TIGD4: variants seen among roughly 807,000 people sequenced by gnomAD.
TIGD4 encodes tigger transposable element-derived protein 4.
In TIGD4, 20 loss-of-function variants were observed where a neutral mutation model predicts 24.9. The ratio of observed to expected loss-of-function variants is 0.80; its 90% CI spans 0.56 to 1.17. The LOEUF is 1.17. TIGD4 is among the 50% of genes most tolerant of loss of function. The pLI, the probability that TIGD4 is intolerant of heterozygous loss-of-function variation, is 0.00. For synonymous variants in TIGD4, 193 were observed against 211.0 expected (o/e 0.91, Z 0.74); for missense variants, 566 against 591.0 (o/e 0.96, Z 0.44).
intron 1 of TIGD4, among the ~76,000 whole-genome samples, chr4:152,773,557 T>C (rs1184336822): frequency 6.6e-6 from 1 of 150,454 alleles, no homozygotes; most frequent in Admixed American, 6.7e-5. Flanking sequence ...ACAGTATCTT[T>C]GAATCACACT....
In TIGD4 at chr4:152,769,931, T is replaced by G; in HGVS notation, c.1074A>C (p.Thr358=). ...TTACAGCCCTCCAGCAAAGATGCAA[T>G]GTATCAACTGCATCTAGTAGTGAAA... The part of the protein sequence containing the change: ...FTFSLLDAVD[T]LHLCWRAVTP... The change falls in exon 2 of 2, where the codon ACA becomes ACC. Residue 358 remains threonine (T), a synonymous_variant. Coordinates refer to ENST00000304337, the MANE Select transcript of TIGD4 (RefSeq NM_145720.4). 6.2e-7 allele frequency: 1 copy of G among 1,613,656 alleles called. No individual in the cohort carries two copies. The highest frequency in any genetic ancestry group is 8.5e-7 in the Non-Finnish European group (1 of 1,179,566).
chr4:152,770,506 G>A lies in TIGD4; in HGVS notation c.499C>T (p.Leu167Phe), dbSNP rs779114814. The change falls in exon 2 of 2, where the codon CTT becomes TTT. Residue 167 changes from leucine to phenylalanine, a missense_variant. Coordinates refer to ENST00000304337, the MANE Select transcript of TIGD4 (RefSeq NM_145720.4). ...DPSTVWYQNVLPYYLNDYHPK... is the reference protein window; with the variant it reads ...DPSTVWYQNVFPYYLNDYHPK... ...TGATAATCATTTAAATAATAAGGAA[G>A]TACATTTTGGTACCAGACAGTCGAA... 22 of 1,611,986 alleles carry A rather than the reference G, an allele frequency of 1.4e-5. No individual in the cohort carries two copies. In the South Asian group the frequency reaches 2.2e-4, roughly 16 times the overall value.
At chr4:152,776,265 G>GA (rs1234316955) in intron 1 of TIGD4, among the ~76,000 whole-genome samples, 4 of 151,622 alleles carry the variant, frequency 2.6e-5, no homozygotes, top group Non-Finnish European at 4.4e-5. Context: ...TAGATATAAA[G>GA]AAAAAAAATA....
Position 152,770,684 on chromosome 4 carries a change from A to G in TIGD4, c.321T>C (p.Gly107=). Residue 107 remains glycine (G), a synonymous_variant, in exon 2 of 2, where the codon GGT becomes GGC. Coordinates refer to ENST00000304337, the MANE Select transcript of TIGD4 (RefSeq NM_145720.4). ...CATTAGCTTTTAGACGTAACATCGG[A>G]CCATTAACTGGTACATTTAGACACT... ...IAQCLNVPVN[G]PMLRLKANDF... is the part of the protein sequence containing the mutation. 1 of 1,612,384 alleles carries G rather than the reference A, an allele frequency of 6.2e-7. No homozygotes were observed. Among genetic ancestry groups the G allele is most frequent in the Non-Finnish European group, 8.5e-7 (1 of 1,179,488 alleles).
In TIGD4 at chr4:152,769,789, CCAGAGCATCA is replaced by C; in HGVS notation, c.1206_1215del (p.Asp403GlyfsTer4). On this transcript the variant is annotated frameshift_variant, in exon 2 of 2. Coordinates refer to ENST00000304337, the MANE Select transcript of TIGD4 (RefSeq NM_145720.4). LOFTEE classifies it low-confidence loss of function (END_TRUNC). ...CCTTCAGGAAATTCTACTCCTGCCCCCAGAGCATCAGCAACCAAATCCAGACCAGTATCCT... is the reference window on the plus strand; with the variant it reads ...CCTTCAGGAAATTCTACTCCTGCCCCGCAACCAAATCCAGACCAGTATCCT... The C allele has an allele frequency of 6.2e-7, 1 of 1,613,442 alleles. No homozygotes were observed. Among genetic ancestry groups the C allele is most frequent in the African/African-American group, 1.3e-5 (1 of 75,050 alleles).
At chr4:152,778,330 C>A (rs1730300451) in intron 1 of TIGD4, among the ~76,000 whole-genome samples, 1 of 152,218 alleles carries the variant, frequency 6.6e-6, no homozygotes, top group Non-Finnish European at 1.5e-5. Context: ...CCGTACACTT[C>A]CTCCAAGTCA....
chr4:152,773,554 C>T (rs1730213637), intron 1 of TIGD4, among the ~76,000 whole-genome samples: 1 of 146,306 alleles, frequency 6.8e-6, no homozygotes, highest in South Asian at 2.2e-4. Context: ...ATTACAGTAT[C>T]TTTGAATCAC....
At position 152,770,588 on chromosome 4, in the gene TIGD4, C is replaced by T. The variant is rs757616663; in HGVS notation, c.417G>A (p.Arg139=). ...GTTGAGCTCTGAATACTAAACCATA[C>T]CTGGATTTAAAACGATCCAGCCAAC... is the stretch of plus-strand genomic sequence containing the variant. ...SNGWLDRFKS[R]YGLVFRAQPV... is the part of the protein sequence containing the mutation. Residue 139 remains arginine, a synonymous_variant, in exon 2 of 2, where the codon AGG becomes AGA. Transcript: ENST00000304337. 6.2e-7 allele frequency: 1 copy of T among 1,609,216 alleles called. No individual in the cohort carries two copies. The highest frequency in any genetic ancestry group is 2.2e-5 in the East Asian group (1 of 44,830).
intron 1 of TIGD4, among the ~76,000 whole-genome samples, chr4:152,776,381 C>CT (rs929903361): frequency 2.0e-5 from 3 of 151,786 alleles, no homozygotes; most frequent in Admixed American, 1.3e-4. Context: ...AATGTTCTAC[C>CT]TTTTTTTTCT....
In TIGD4 at chr4:152,769,842, T is replaced by C. The variant is rs747763422; in HGVS notation, c.1163A>G (p.Asp388Gly). 6.2e-7 allele frequency: 1 copy of C among 1,613,160 alleles called. No individual in the cohort carries two copies. The highest frequency in any genetic ancestry group is 8.5e-7 in the Non-Finnish European group (1 of 1,179,682). Residue 388 changes from aspartate (D) to glycine (G), a missense_variant, in exon 2 of 2, where the codon GAC becomes GGC. By Grantham distance (94) the Asp-to-Gly change is moderately conservative. Coordinates refer to ENST00000304337, the MANE Select transcript of TIGD4 (RefSeq NM_145720.4). ...AGFKSQKGES[D>G]ITNAEKDTGL... Reference sequence around the variant, plus strand: ...AGTATCCTTCTCTGCATTTGTTATGTCACTTTCTCCCTTTTGAGATTTGAA... The same window carrying C: ...AGTATCCTTCTCTGCATTTGTTATGCCACTTTCTCCCTTTTGAGATTTGAA...
Position 152,770,847 on chromosome 4 carries a change from A to G in TIGD4, c.158T>C (p.Leu53Ser), listed in dbSNP as rs201814724. The change falls in exon 2 of 2, where the codon TTG (leucine) becomes TCG (serine). Residue 53 changes from leucine (L) to serine (S), a missense_variant. By Grantham distance (145) the Leu-to-Ser change is moderately radical. Coordinates refer to ENST00000304337, the MANE Select transcript of TIGD4 (RefSeq NM_145720.4). Reference sequence around the variant, plus strand: ...GTCTTTATTCTTCATAATAGAAGACAATGAATTTTTCTTTATTCCATATTC... The same window carrying G: ...GTCTTTATTCTTCATAATAGAAGACGATGAATTTTTCTTTATTCCATATTC... ...AAEYGIKKNS[L>S]SSIMKNKDKV... 320 of 1,613,640 alleles carry G rather than the reference A, an allele frequency of 2.0e-4. 1 individual carries two copies. Among genetic ancestry groups the G allele is most frequent in the Non-Finnish European group, 2.7e-4 (313 of 1,179,842 alleles).
At chr4:152,778,722 T>C (rs1235608841) in intron 1 of TIGD4, among the ~76,000 whole-genome samples, 1 of 152,182 alleles carries the variant, frequency 6.6e-6, no homozygotes, top group Non-Finnish European at 1.5e-5. Flanking sequence ...TTCACAGATC[T>C]GGGGAAGATA....
At position 152,769,928 on chromosome 4, in the gene TIGD4, C is replaced by G. The variant is rs1730132604; in HGVS notation, c.1077G>C (p.Leu359Phe). Residue 359 changes from leucine to phenylalanine, a missense_variant, in exon 2 of 2, where the codon TTG (leucine) becomes TTC (phenylalanine). Physicochemically the swap from Leu to Phe is conservative, Grantham distance 22 (BLOSUM62 0). Coordinates refer to ENST00000304337, the MANE Select transcript of TIGD4 (RefSeq NM_145720.4). Reference sequence around the variant, plus strand: ...GGGTTACAGCCCTCCAGCAAAGATGCAATGTATCAACTGCATCTAGTAGTG... The same window carrying G: ...GGGTTACAGCCCTCCAGCAAAGATGGAATGTATCAACTGCATCTAGTAGTG... The part of the protein sequence containing the change: ...TFSLLDAVDT[L>F]HLCWRAVTPE... 1 of 1,613,550 alleles carries G rather than the reference C, an allele frequency of 6.2e-7. No individual in the cohort carries two copies. The highest frequency in any genetic ancestry group is 8.5e-7 in the Non-Finnish European group (1 of 1,179,608).
In TIGD4 at chr4:152,770,197, G is replaced by A. The variant is rs761897713; in HGVS notation, c.808C>T (p.Arg270Ter). 2.4e-5 allele frequency: 38 copies of A among 1,613,858 alleles called. No individual in the cohort carries two copies. Among genetic ancestry groups the A allele is most frequent in the South Asian group, 1.6e-4 (15 of 91,080 alleles). Residue 270 changes from arginine to a stop codon, truncating the protein, a stop_gained, in exon 2 of 2, where the codon CGA becomes TGA. Transcript: ENST00000304337. LOFTEE classifies it high-confidence loss of function. ...GCTTGAAATTCCTCATCAAGCTTTC[G>A]CATCCATTGTTCAAATACATCGGAG... is the stretch of plus-strand genomic sequence containing the variant. ...MTSDVFEQWM[R>*]KLDEEFQAQQ... is the part of the protein sequence containing the mutation.
At chr4:152,776,251 T>A (rs949487426) in intron 1 of TIGD4, among the ~76,000 whole-genome samples, 1 of 152,240 alleles carries the variant, frequency 6.6e-6, no homozygotes, top group East Asian at 1.9e-4. Context: ...AATATATATC[T>A]ACATAGATAT....
chr4:152,774,522 T>G (rs1198653610), intron 1 of TIGD4, among the ~76,000 whole-genome samples: 1 of 152,228 alleles, frequency 6.6e-6, no homozygotes, highest in Non-Finnish European at 1.5e-5. Flanking sequence ...AGAATAGTCA[T>G]CCTTTCAAGC....
Position 152,771,184 on chromosome 4 carries a change from ATCTG to A in TIGD4, c.-184_-181del. 2 of 679,124 alleles carry A rather than the reference ATCTG, an allele frequency of 2.9e-6. No individual in the cohort carries two copies. Among genetic ancestry groups the A allele is most frequent in the African/African-American group, 1.9e-5 (1 of 53,178 alleles). 42.1% of individuals were successfully genotyped at this position (679,124 alleles called of 1,614,324 possible). A position where few individuals can be genotyped will look rare whatever the true frequency, so the allele number is the denominator to read the frequency against. The stretch of plus-strand genomic sequence containing the variant: ...GATGACAAAATATGCTTTTTCAAAG[ATCTG>A]AAGAAAAATATTATATGCAACTAGA... On this transcript the variant is annotated 5_prime_UTR_variant, in exon 2 of 2. Transcript: ENST00000304337.
Position 152,775,059 on chromosome 4 carries a change from G to T in TIGD4, c.-538-3517C>A, listed in dbSNP as rs548976658. ...GCCTCCCAAGTAGCTGTGACTACAG[G>T]CATGTGCCACCACGTCTGGCTAATT... On this transcript the variant is annotated intron_variant, in intron 1 of 1. Transcript: ENST00000304337. Among the ~76,000 whole-genome samples, 23 of 152,120 alleles carry T rather than the reference G, an allele frequency of 1.5e-4. No homozygotes were observed. The East Asian group carries it at 4.2e-3, about 28-fold the overall frequency.
At chr4:152,778,146 A>C (rs1730292888) in intron 1 of TIGD4, among the ~76,000 whole-genome samples, 1 of 152,164 alleles carries the variant, frequency 6.6e-6, no homozygotes, top group African/African-American at 2.4e-5. Context: ...GCAAGTCTTC[A>C]CCTTTCCAAA....
Sources: allele counts gnomAD v4.1 joint callset (sites outside exome capture counted in the v4.1 genomes callset), GRCh38; gene constraint gnomAD v4.1.1; transcripts MANE v1.5; gene names NCBI Gene and HGNC (gene_info 2026-07-23, HGNC 2026-07-21).